The following SUGCT variants were observed in gnomAD, a reference collection of about 807,000 sequenced individuals.
SUGCT encodes the protein succinyl-CoA:glutarate CoA-transferase.
SUGCT carries 41 observed loss-of-function variants against 55.0 expected under a neutral mutation model. The ratio of observed to expected loss-of-function variants is 0.74; its 90% CI spans 0.58 to 0.97. The LOEUF (loss-of-function observed/expected upper bound fraction) is 0.97. Among genes scored for constraint, SUGCT ranks in the 50% least tolerant of loss-of-function variants. The pLI is 0.00. For synonymous variants in SUGCT, 187 were observed against 200.4 expected (o/e 0.93, Z 0.56); for missense variants, 568 against 547.8 (o/e 1.04, Z -0.37).
chr7:40,630,176 C>G (rs916061698), intron 12 of SUGCT, among the ~76,000 whole-genome samples: 19 of 152,360 alleles, frequency 1.2e-4, no homozygotes, highest in African/African-American at 4.1e-4. Context: ...AAACCTGTCT[C>G]CTGTGAGCTG....
At chr7:40,477,582 G>A (rs1790772485) in intron 11 of SUGCT, among the ~76,000 whole-genome samples, 1 of 152,070 alleles carries the variant, frequency 6.6e-6, no homozygotes, top group Non-Finnish European at 1.5e-5. Flanking sequence ...TTTCATGTTG[G>A]TGTATTATGT....
intron 1 of SUGCT, among the ~76,000 whole-genome samples, chr7:40,164,147 G>T (rs532610901): frequency 6.8e-6 from 1 of 146,414 alleles, no homozygotes; most frequent in African/African-American, 2.5e-5. Context: ...TTTTTGAGAC[G>T]GAGTCTCGTT....
intron 9 of SUGCT, among the ~76,000 whole-genome samples, chr7:40,320,512 A>C (rs1027395705): frequency 1.3e-5 from 2 of 152,238 alleles, no homozygotes; most frequent in African/African-American, 4.8e-5. Flanking sequence ...GTCTCCAAAA[A>C]GAATATATTT....
At chr7:40,284,060 A>G (rs1053117684) in intron 8 of SUGCT, among the ~76,000 whole-genome samples, 5 of 151,858 alleles carry the variant, frequency 3.3e-5, no homozygotes, top group Admixed American at 2.6e-4. Flanking sequence ...GAAAAATATC[A>G]CATGGTCTCG....
intron 11 of SUGCT, among the ~76,000 whole-genome samples, chr7:40,494,196 A>T (rs887507595): frequency 5.5e-5 from 7 of 127,016 alleles, no homozygotes; most frequent in Admixed American, 2.3e-4. Flanking sequence ...CTTTCAGGCC[A>T]CTTTGGTGAG....
At chr7:40,255,983 C>T (rs775396163) in intron 7 of SUGCT, among the ~76,000 whole-genome samples, 14 of 152,092 alleles carry the variant, frequency 9.2e-5, no homozygotes, top group Admixed American at 7.2e-4. Flanking sequence ...GGGGGATGGT[C>T]GGTGGAGCTT....
rs1333008779 is a variant in SUGCT, at chr7:40,449,284, T to C, written c.817-3T>C. The C allele has an allele frequency of 1.9e-6, 3 of 1,605,526 alleles. No individual in the cohort carries two copies. The highest frequency in any genetic ancestry group is 2.7e-5 in the African/African-American group (2 of 74,902). ...TATTTACCTGTGTATTTATTTCTTT[T>C]AGGCTTTTAAAACCAAGGATGGCTA... On this transcript the variant is annotated splice_polypyrimidine_tract_variant and splice_region_variant and intron_variant, in intron 9 of 13. Transcript: ENST00000335693.
chr7:40,572,781 C>T (rs778225881), intron 12 of SUGCT, among the ~76,000 whole-genome samples: 8 of 152,068 alleles, frequency 5.3e-5, no homozygotes, highest in Non-Finnish European at 7.4e-5. Flanking sequence ...CTGTGATGAA[C>T]GAAGAATGAG....
At chr7:40,184,813 T>C (rs982711269) in intron 3 of SUGCT, among the ~76,000 whole-genome samples, 3 of 152,226 alleles carry the variant, frequency 2.0e-5, no homozygotes, top group East Asian at 1.9e-4. Context: ...AACTTAGTAA[T>C]TGACCATAAG....
chr7:40,245,734 G>A (rs1017950311), intron 7 of SUGCT, among the ~76,000 whole-genome samples: 1 of 151,704 alleles, frequency 6.6e-6, no homozygotes, highest in Non-Finnish European at 1.5e-5. Context: ...CACTGTGCCC[G>A]GCATAGTAGA....
At chr7:40,168,130 G>A (rs887188937) in intron 1 of SUGCT, among the ~76,000 whole-genome samples, 12 of 152,186 alleles carry the variant, frequency 7.9e-5, no homozygotes, top group African/African-American at 2.9e-4. Flanking sequence ...AGCTGAGTTA[G>A]AAGCCCCGTG....
intron 13 of SUGCT, among the ~76,000 whole-genome samples, chr7:40,802,692 C>T (rs548951494): frequency 1.6e-4 from 25 of 152,110 alleles, no homozygotes; most frequent in Non-Finnish European, 3.2e-4. Flanking sequence ...ATTTAACTTA[C>T]CCAACCTAAA....
intron 12 of SUGCT, among the ~76,000 whole-genome samples, chr7:40,601,738 C>CT (rs753210004): frequency 0.013 from 1,910 of 143,114 alleles, 28 homozygotes; most frequent in Middle Eastern, 0.044. Context: ...AATGTGAGGA[C>CT]TTTTTTTTTT....
intron 1 of SUGCT, among the ~76,000 whole-genome samples, chr7:40,171,744 G>A (rs1163631266): frequency 2.0e-5 from 3 of 152,208 alleles, no homozygotes; most frequent in African/African-American, 7.2e-5. Context: ...CCATCCGCAG[G>A]TTAGTGGATT....
chr7:40,442,471 A>G (rs137955614), intron 9 of SUGCT, among the ~76,000 whole-genome samples: 185 of 152,286 alleles, frequency 1.2e-3, no homozygotes, highest in African/African-American at 4.0e-3. Context: ...GGGTGATGAT[A>G]TCATGCAGTT....
intron 1 of SUGCT, among the ~76,000 whole-genome samples, chr7:40,171,887 A>G (rs915498191): frequency 6.6e-6 from 1 of 152,218 alleles, no homozygotes; most frequent in African/African-American, 2.4e-5. Context: ...TCAATTATCA[A>G]TTGTAGGTTT....
intron 9 of SUGCT, among the ~76,000 whole-genome samples, chr7:40,437,412 T>C (rs1788238417): frequency 6.6e-6 from 1 of 152,194 alleles, no homozygotes; most frequent in East Asian, 1.9e-4. Flanking sequence ...TCAAGGTTAC[T>C]CTAGAATTAC....
At chr7:40,690,535 G>A (rs1398687449) in intron 12 of SUGCT, among the ~76,000 whole-genome samples, 1 of 151,658 alleles carries the variant, frequency 6.6e-6, no homozygotes, top group Admixed American at 6.6e-5. Flanking sequence ...TCATATTAAT[G>A]GAATAGCAAG....
intron 12 of SUGCT, among the ~76,000 whole-genome samples, chr7:40,570,201 T>C (rs1402743526): frequency 6.6e-6 from 1 of 152,254 alleles, no homozygotes. Flanking sequence ...TAAGCATTTT[T>C]CTCTTTGCTT....
Sources: gnomAD v4.1 joint callset for allele counts (sites outside exome capture counted in the v4.1 genomes callset) on GRCh38, gnomAD v4.1.1 for gene constraint, MANE v1.5 for transcripts, NCBI Gene and HGNC (gene_info 2026-07-23, HGNC 2026-07-21) for gene names.